HAS1: variants seen among roughly 807,000 people sequenced by gnomAD.
HAS1 encodes HA synthase 1.
A neutral mutation model predicts 35.0 loss-of-function variants in HAS1; 27 were observed. The ratio of observed to expected loss-of-function variants is 0.77; its 90% confidence interval spans 0.57 to 1.06. HAS1 has a LOEUF of 1.06. HAS1 is among the 50% of genes least tolerant of loss of function. HAS1 has a pLI of 0.00. For synonymous variants in HAS1, 409 were observed against 371.2 expected (o/e 1.10, Z -1.17); for missense variants, 940 against 814.8 (o/e 1.15, Z -1.87).
At chr19:51,716,124 C>T in intron 4 of HAS1, 132 bp downstream of exon 4, 2 of 799,758 alleles carry the variant, frequency 2.5e-6, no homozygotes, top group South Asian at 1.7e-5. Flanking sequence ...CTCCTCTCTC[C>T]TCTAAAGTCT....
In HAS1 at chr19:51,723,940, G is replaced by A; in HGVS notation, c.-7C>T. 3 of 1,518,614 alleles carry A rather than the reference G, an allele frequency of 2.0e-6. No homozygotes were observed. Among genetic ancestry groups the A allele is most frequent in the Middle Eastern group, 1.7e-4 (1 of 5,726 alleles). 94.1% of individuals were successfully genotyped at this position (1,518,614 alleles called of 1,614,324 possible). On this transcript the variant is annotated 5_prime_UTR_variant, in exon 1 of 5. Coordinates refer to ENST00000540069, the MANE Select transcript of HAS1 (RefSeq NM_001297436.2). The stretch of plus-strand genomic sequence containing the variant: ...ACACACACACCTGTCTCATCGCAGT[G>A]GGTCTGGCCGGGCTCTCTCTTCTCT...
chr19:51,714,309 G>A (rs1245031288), intron 4 of HAS1: 7 of 757,036 alleles, frequency 9.2e-6, no homozygotes, highest in Admixed American at 8.6e-5. Flanking sequence ...CAGCACTTTG[G>A]GAGGCTGAGG....
At position 51,719,778 on chromosome 19, in the gene HAS1, C is replaced by G; in HGVS notation, c.127G>C (p.Val43Leu). The G allele has an allele frequency of 1.3e-6, 2 of 1,561,550 alleles. No individual in the cohort carries two copies. The highest frequency in any genetic ancestry group is 1.9e-5 in the Admixed American group (1 of 53,306). ...GLMTWAYAAG[V>L]PLASDRYGLL... ...CCGTAGCGATCGGAGGCCAGCGGCA[C>G]CCCGGCGGCGTAGGCCCAGGTCATG... The change falls in exon 2 of 5, where the codon GTG (valine) becomes CTG (leucine). Residue 43 changes from valine to leucine, a missense_variant. Physicochemically the swap from Val to Leu is conservative, Grantham distance 32. Coordinates refer to ENST00000540069, the MANE Select transcript of HAS1 (RefSeq NM_001297436.2).
At chr19:51,718,336 T>C (rs766062541) in intron 2 of HAS1, among the ~76,000 whole-genome samples, 7 of 151,472 alleles carry the variant, frequency 4.6e-5, no homozygotes, top group African/African-American at 9.7e-5. Flanking sequence ...GGCTGAGTGG[T>C]TGAATGAAAG....
At chr19:51,715,438 A>G (rs753551114) in intron 4 of HAS1, among the ~76,000 whole-genome samples, 1 of 151,798 alleles carries the variant, frequency 6.6e-6, no homozygotes, top group Non-Finnish European at 1.5e-5. Flanking sequence ...CAACCCCAAA[A>G]CTTCCTATCC....
At chr19:51,721,039 G>A (rs2083628236) in intron 1 of HAS1, among the ~76,000 whole-genome samples, 1 of 152,218 alleles carries the variant, frequency 6.6e-6, no homozygotes, top group African/African-American at 2.4e-5. Flanking sequence ...CAACAGCGCT[G>A]TAAGGTAGGT....
At chr19:51,717,358 T>C (rs1448948967) in intron 2 of HAS1, among the ~76,000 whole-genome samples, 165 bp from the exon 3 acceptor site, 1 of 152,222 alleles carries the variant, frequency 6.6e-6, no homozygotes, top group Non-Finnish European at 1.5e-5. Context: ...CAGTTTAACA[T>C]GTACTCCAAG....
chr19:51,723,873 A>G (rs1310507596), intron 1 of HAS1, 52 bp downstream of exon 1: 1 of 1,372,580 alleles, frequency 7.3e-7, no homozygotes. Flanking sequence ...AGTTTTCCCC[A>G]CATGGCTGTA....
Position 51,714,666 on chromosome 19 carries a change from G to GAGCCTGAGCAACAC in HAS1, c.1059-578_1059-565dup, listed in dbSNP as rs2083573962. On this transcript the variant is annotated intron_variant, in intron 4 of 4. Coordinates refer to ENST00000540069, the MANE Select transcript of HAS1 (RefSeq NM_001297436.2). ...TGATCGTGCCCCTGCACTCCAGCCT[G>GAGCCTGAGCAACAC]AGCCTGAGCAACACAGCAAGACTCT... Among the ~76,000 whole-genome samples the GAGCCTGAGCAACAC allele has an allele frequency of 3.3e-5, 4 of 119,560 alleles. No individual in the cohort carries two copies. In the South Asian group the frequency reaches 1.2e-3, roughly 35 times the overall value. 78.4% of individuals were successfully genotyped at this position (119,560 alleles called of 152,430 possible).
At chr19:51,723,173 A>C (rs2083641850) in intron 1 of HAS1, among the ~76,000 whole-genome samples, 1 of 152,204 alleles carries the variant, frequency 6.6e-6, no homozygotes, top group Admixed American at 6.5e-5. Context: ...AGTGACACAC[A>C]GAATGAAATT....
intron 2 of HAS1, 22 bp downstream of exon 2, chr19:51,719,184 G>C: frequency 6.8e-7 from 1 of 1,471,030 alleles, no homozygotes; most frequent in Middle Eastern, 1.9e-4. Context: ...GTCACGAGTG[G>C]GCTGAAGGCG....
At chr19:51,718,176 G>T (rs1346805505) in intron 2 of HAS1, 2 of 152,638 alleles carry the variant, frequency 1.3e-5, no homozygotes, top group African/African-American at 4.8e-5. Flanking sequence ...GACAGAGGTT[G>T]CAGTGAGCCG....
In HAS1 at chr19:51,719,694, G is replaced by C; in HGVS notation, c.211C>G (p.Leu71Val). Residue 71 changes from leucine to valine, a missense_variant, in exon 2 of 5, where the codon CTC (leucine) becomes GTC (valine). Physicochemically the swap from Leu to Val is conservative, Grantham distance 32 (BLOSUM62 1). Coordinates refer to ENST00000540069, the MANE Select transcript of HAS1 (RefSeq NM_001297436.2). ...FLSAHLVAQS[L>V]FAYLEHRRVA... is the part of the protein sequence containing the mutation. Reference sequence around the variant, plus strand: ...CGCCGGTGCTCCAGGTACGCGAAGAGGCTCTGCGCCACCAGGTGCGCTGAA... The same window carrying C: ...CGCCGGTGCTCCAGGTACGCGAAGACGCTCTGCGCCACCAGGTGCGCTGAA... The C allele has an allele frequency of 6.4e-7, 1 of 1,561,378 alleles. No homozygotes were observed. The highest frequency in any genetic ancestry group is 8.6e-7 in the Non-Finnish European group (1 of 1,158,684).
Position 51,719,306 on chromosome 19 carries a change from C to T in HAS1, c.599G>A (p.Arg200Lys). Residue 200 changes from arginine to lysine, a missense_variant, in exon 2 of 5, where the codon AGG becomes AAG. Transcript: ENST00000540069. ...CGCCACGCACACGCACCTGCGAGTC[C>T]TCACCAGCGCCTCCACTGCCAGCCG... is the stretch of plus-strand genomic sequence containing the variant. Reference protein sequence around the residue: ...PGRLAVEALVRTRRCVCVAQR... With the variant: ...PGRLAVEALVKTRRCVCVAQR... 3 of 1,612,716 alleles carry T rather than the reference C, an allele frequency of 1.9e-6. No homozygotes were observed. Among genetic ancestry groups the T allele is most frequent in the Non-Finnish European group, 2.5e-6 (3 of 1,179,538 alleles).
intron 3 of HAS1, 144 bp downstream of exon 3, chr19:51,716,824 C>G (rs11084110): frequency 0.017 from 11,774 of 675,518 alleles, 436 homozygotes; most frequent in East Asian, 0.097. Flanking sequence ...GCATCCTCAC[C>G]GCCAGCTTCC....
rs2083606114 is a variant in HAS1, at chr19:51,719,232, G to T, written c.673C>A (p.Leu225Ile). Reference sequence around the variant, plus strand: ...TGCACGTAGTCCACCGAATCTCCGAGCGCCTTGAAGGCTGTGTACATGACC... The same window carrying T: ...TGCACGTAGTCCACCGAATCTCCGATCGCCTTGAAGGCTGTGTACATGACC... Reference protein sequence around the residue: ...REVMYTAFKALGDSVDYVQVC... With the variant: ...REVMYTAFKAIGDSVDYVQVC... Residue 225 changes from leucine to isoleucine, a missense_variant, in exon 2 of 5, where the codon CTC (leucine) becomes ATC (isoleucine). Leu to Ile is a conservative substitution (Grantham distance 5). Coordinates refer to ENST00000540069, the MANE Select transcript of HAS1 (RefSeq NM_001297436.2). 1.7e-5 allele frequency: 27 copies of T among 1,575,782 alleles called. No homozygotes were observed. In the East Asian group the frequency reaches 6.0e-4, roughly 35 times the overall value.
At chr19:51,722,940 C>T (rs2083640651) in intron 1 of HAS1, among the ~76,000 whole-genome samples, 1 of 152,168 alleles carries the variant, frequency 6.6e-6, no homozygotes, top group Non-Finnish European at 1.5e-5. Flanking sequence ...GTTTTCGTTA[C>T]ATTTCTAGAG....
chr19:51,717,840 T>C (rs935689882), intron 2 of HAS1, among the ~76,000 whole-genome samples: 4 of 152,208 alleles, frequency 2.6e-5, no homozygotes, highest in Non-Finnish European at 5.9e-5. Flanking sequence ...CTGTGCTGAC[T>C]CTGGGCTCAT....
Position 51,716,378 on chromosome 19 carries a change from C to G in HAS1, c.936G>C (p.Arg312Ser). 6.2e-7 allele frequency: 1 copy of G among 1,612,328 alleles called. No individual in the cohort carries two copies. Among genetic ancestry groups the G allele is most frequent in the Non-Finnish European group, 8.5e-7 (1 of 1,179,252 alleles). The change falls in exon 4 of 5, where the codon AGG becomes AGC. Residue 312 changes from arginine to serine, a missense_variant. Coordinates refer to ENST00000540069, the MANE Select transcript of HAS1 (RefSeq NM_001297436.2). ...SCISGPLGLY[R>S]NNLLQQFLEA... is the part of the protein sequence containing the mutation. Reference sequence around the variant, plus strand: ...CAAGAAACTGCTGCAAGAGGTTATTCCTATATAGGCCTGGGTGGAGGGGAG... The same window carrying G: ...CAAGAAACTGCTGCAAGAGGTTATTGCTATATAGGCCTGGGTGGAGGGGAG...
Sources: gnomAD v4.1 joint callset for allele counts (sites outside exome capture counted in the v4.1 genomes callset) on GRCh38, gnomAD v4.1.1 for gene constraint, MANE v1.5 for transcripts, NCBI Gene and HGNC (gene_info 2026-07-23, HGNC 2026-07-21) for gene names.